Variants in PARD3B observed in about 807,000 individuals in gnomAD.
The protein encoded by PARD3B is par-3 family cell polarity regulator beta, also known as partitioning defective 3 homolog B.
Under a neutral mutation model 130.2 loss-of-function variants are expected in PARD3B, and 103 were observed. The observed-to-expected ratio is 0.79, with a 90% CI of 0.67 to 0.93. PARD3B has a LOEUF of 0.93. PARD3B is among the 40% of genes least tolerant of loss of function. The probability of loss-of-function intolerance (pLI) is 0.00; values close to 1 mark genes in which losing one functional copy is unlikely to be tolerated. For missense variants in PARD3B, 1,609 were observed against 1,499.2 expected (o/e 1.07, Z -1.21); for synonymous variants, 583 against 553.2 (o/e 1.05, Z -0.76).
chr2:205,195,552 C>T (rs1490966001), intron 15 of PARD3B, among the ~76,000 whole-genome samples: 1 of 152,152 alleles, frequency 6.6e-6, no homozygotes, highest in African/African-American at 2.4e-5. Context: ...TTAGGTGATA[C>T]CGCAATGGTA....
chr2:205,258,735 G>T lies in PARD3B; in HGVS notation c.2185+12913G>T, dbSNP rs1479508534. On this transcript the variant is annotated intron_variant, in intron 16 of 22. Transcript: ENST00000406610. The surrounding 1 kb of genome is among the most constrained non-coding windows in gnomAD (Gnocchi z 4.9). ...TCCTTAAGCTTTATGTGTATGTCTT[G>T]TCCTAATAAATAGCTGGATTTTGTT... 6.6e-6 allele frequency among the ~76,000 whole-genome samples: 1 copy of T among 152,096 alleles called. No individual in the cohort carries two copies. Among genetic ancestry groups the T allele is most frequent in the Non-Finnish European group, 1.5e-5 (1 of 68,018 alleles).
chr2:205,526,854 A>T (rs1284103122), intron 21 of PARD3B, among the ~76,000 whole-genome samples: 1 of 152,180 alleles, frequency 6.6e-6, no homozygotes, highest in Non-Finnish European at 1.5e-5. Context: ...TGGGGGTGGA[A>T]GGGAGTAGAG....
chr2:204,872,435 C>T (rs2045666565), intron 2 of PARD3B, among the ~76,000 whole-genome samples: 2 of 152,082 alleles, frequency 1.3e-5, no homozygotes, highest in Non-Finnish European at 1.5e-5. Flanking sequence ...GATCTCGTCA[C>T]TGTATCTTAT....
chr2:205,342,321 C>T (rs911178640), intron 18 of PARD3B, among the ~76,000 whole-genome samples: 11 of 152,088 alleles, frequency 7.2e-5, no homozygotes, highest in Admixed American at 5.2e-4. Context: ...GTAGTTTATA[C>T]AGAAGGAGAA....
At position 204,574,220 on chromosome 2, in the gene PARD3B, G is replaced by T. The variant is rs555035004; in HGVS notation, c.120+28101G>T. ...TCATTGCAATAGTAGCTGTTGATTA[G>T]AAACAAAACAATCTATTAATTTCCT... On this transcript the variant is annotated intron_variant, in intron 1 of 22. Transcript: ENST00000406610. Among the ~76,000 whole-genome samples, 37 of 152,248 alleles carry T rather than the reference G, an allele frequency of 2.4e-4. 1 individual carries two copies. The highest frequency in any genetic ancestry group is 4.4e-4 in the Non-Finnish European group (30 of 68,016).
chr2:205,059,925 T>C (rs1173352215), intron 4 of PARD3B, among the ~76,000 whole-genome samples: 1 of 152,110 alleles, frequency 6.6e-6, no homozygotes, highest in East Asian at 1.9e-4. Context: ...AATATATGTG[T>C]TCAAATATAT....
rs547217948 is a variant in PARD3B, at chr2:204,950,908, T to G, written c.223-14244T>G. Among the ~76,000 whole-genome samples the G allele has an allele frequency of 7.2e-5, 11 of 152,310 alleles. No individual in the cohort carries two copies. In the South Asian group the frequency reaches 2.3e-3, roughly 32 times the overall value. ...GTCTTCTCACTGCTCTGGAATTTTT[T>G]GATTCAAGCATTCTGATTTCAACTA... is the stretch of plus-strand genomic sequence containing the variant. On this transcript the variant is annotated intron_variant, in intron 2 of 22. Coordinates refer to ENST00000406610, the MANE Select transcript of PARD3B (RefSeq NM_001302769.2).
At chr2:204,817,261 T>G (rs2043180610) in intron 2 of PARD3B, among the ~76,000 whole-genome samples, 1 of 152,156 alleles carries the variant, frequency 6.6e-6, no homozygotes, top group South Asian at 2.1e-4. Flanking sequence ...TAGGAATTTT[T>G]TTTTTTTGGT....
rs970055276 is a variant in PARD3B at position 205,563,195 on chromosome 2, T to C, written c.3260+9792T>C. On this transcript the variant is annotated intron_variant, in intron 22 of 22. Coordinates refer to ENST00000406610, the MANE Select transcript of PARD3B (RefSeq NM_001302769.2). This position sits in a 1 kb window ranked among gnomAD's most constrained non-coding sequence, Gnocchi z 4.2. Reference sequence around the variant, plus strand: ...CTGCATGCAAATTGTTTCAAAGATGTCATGTTTATTCCTAAACTAGTTGAT... The same window carrying C: ...CTGCATGCAAATTGTTTCAAAGATGCCATGTTTATTCCTAAACTAGTTGAT... Among the ~76,000 whole-genome samples, 1 of 152,228 alleles carries C rather than the reference T, an allele frequency of 6.6e-6. No homozygotes were observed. Among genetic ancestry groups the C allele is most frequent in the African/African-American group, 2.4e-5 (1 of 41,452 alleles).
chr2:205,597,649 A>G (rs2054619265), intron 22 of PARD3B, among the ~76,000 whole-genome samples: 1 of 152,178 alleles, frequency 6.6e-6, no homozygotes, highest in African/African-American at 2.4e-5. Context: ...GCAGTGTATG[A>G]GTATTCCCCT....
rs1419860940 is a variant in PARD3B, at chr2:204,669,167, G to A, written c.121-17014G>A. Among the ~76,000 whole-genome samples, 3 of 152,120 alleles carry A rather than the reference G, an allele frequency of 2.0e-5. No individual in the cohort carries two copies. Among genetic ancestry groups the A allele is most frequent in the Admixed American group, 1.3e-4 (2 of 15,268 alleles). On this transcript the variant is annotated intron_variant, in intron 1 of 22. Transcript: ENST00000406610. This position sits in a 1 kb window ranked among gnomAD's most constrained non-coding sequence, Gnocchi z 4.3. ...AGTTGGTAGGTAATTTGTAACCGGA[G>A]AAATAGGAAACCAGTAGAACCCTTC...
At chr2:205,002,155 T>C (rs1694895631) in intron 3 of PARD3B, among the ~76,000 whole-genome samples, 1 of 152,224 alleles carries the variant, frequency 6.6e-6, no homozygotes, top group African/African-American at 2.4e-5. Flanking sequence ...AGATAGCATT[T>C]ATAGGGTGAC....
intron 16 of PARD3B, among the ~76,000 whole-genome samples, chr2:205,270,523 T>C (rs898620671): frequency 1.3e-5 from 2 of 151,066 alleles, no homozygotes; most frequent in African/African-American, 4.9e-5. Context: ...GCCAAGATCA[T>C]GCCACCACAC....
intron 22 of PARD3B, among the ~76,000 whole-genome samples, chr2:205,566,752 T>C (rs1575380460): frequency 6.6e-6 from 1 of 152,088 alleles, no homozygotes; most frequent in Non-Finnish European, 1.5e-5. Flanking sequence ...TCAGGGGTGA[T>C]GATGTAATAA....
At chr2:204,940,439 A>T (rs1378689593) in intron 2 of PARD3B, among the ~76,000 whole-genome samples, 17 of 151,822 alleles carry the variant, frequency 1.1e-4, no homozygotes, top group Non-Finnish European at 2.4e-4. Context: ...GTGCAGAAGG[A>T]CAGGTTGTTT....
intron 4 of PARD3B, among the ~76,000 whole-genome samples, chr2:205,056,242 A>C (rs2125439825): frequency 6.6e-6 from 1 of 152,214 alleles, no homozygotes; most frequent in Non-Finnish European, 1.5e-5. Context: ...ACGCTTCTAA[A>C]GTACAAGTTT....
chr2:205,035,765 C>G (rs1697775372), intron 3 of PARD3B, among the ~76,000 whole-genome samples: 1 of 131,184 alleles, frequency 7.6e-6, no homozygotes, highest in Admixed American at 8.1e-5. Context: ...AAATAATCCA[C>G]TATATCTATC....
chr2:205,064,251 A>T (rs2125463268), intron 4 of PARD3B, among the ~76,000 whole-genome samples: 1 of 152,284 alleles, frequency 6.6e-6, no homozygotes, highest in South Asian at 2.1e-4. Flanking sequence ...AGTGTTGAAC[A>T]TCTACATCTT....
At chr2:205,428,305 A>G (rs2047214964) in intron 19 of PARD3B, among the ~76,000 whole-genome samples, 1 of 152,200 alleles carries the variant, frequency 6.6e-6, no homozygotes, top group Non-Finnish European at 1.5e-5. Context: ...GCTTGAGCCC[A>G]GGAGGCAGAG....
Sources: gnomAD v4.1 joint callset for allele counts (sites outside exome capture counted in the v4.1 genomes callset) on GRCh38, gnomAD v4.1.1 for gene constraint, Gnocchi (gnomAD v3.1) non-coding constraint, MANE v1.5 for transcripts, NCBI Gene and HGNC (gene_info 2026-07-23, HGNC 2026-07-21) for gene names.